Variants in ROBO1 observed in about 807,000 individuals in gnomAD.
The protein encoded by ROBO1 is roundabout guidance receptor 1.
ROBO1 carries 149 observed loss-of-function variants against 195.9 expected under a neutral mutation model. The observed-to-expected ratio is 0.76, with a 90% CI of 0.67 to 0.87. The LOEUF (loss-of-function observed/expected upper bound fraction) is 0.87, where lower values mean the gene tolerates loss of function less well. Ranked by LOEUF, ROBO1 falls within the 40% of genes least tolerant of loss-of-function variation. ROBO1 has a pLI of 0.00. For missense variants in ROBO1, 1,933 were observed against 2,068.3 expected (o/e 0.93, Z 1.27); for synonymous variants, 816 against 733.2 (o/e 1.11, Z -1.82).
intron 1 of ROBO1, among the ~76,000 whole-genome samples, chr3:79,694,957 T>G (rs1947400705): frequency 6.6e-6 from 1 of 151,594 alleles, no homozygotes; most frequent in African/African-American, 2.4e-5. Context: ...ATGAAAATAA[T>G]TATAATAAAA....
chr3:78,693,925 C>T (rs1440423386), intron 8 of ROBO1, among the ~76,000 whole-genome samples: 4 of 152,086 alleles, frequency 2.6e-5, no homozygotes, highest in East Asian at 1.9e-4. Context: ...TACAGGTTAG[C>T]GGTGTGACTG....
chr3:78,735,414 C>G (rs934029207), intron 5 of ROBO1, among the ~76,000 whole-genome samples: 1 of 152,126 alleles, frequency 6.6e-6, no homozygotes, highest in African/African-American at 2.4e-5. Flanking sequence ...CAAAAATGTG[C>G]TTTGGACATA....
chr3:79,502,331 C>G (rs1007703394), intron 2 of ROBO1, among the ~76,000 whole-genome samples: 2 of 152,100 alleles, frequency 1.3e-5, no homozygotes, highest in Non-Finnish European at 2.9e-5. Context: ...GGCGGGGGCT[C>G]GGCGAGCCGC....
rs994571194 is a variant in ROBO1 at position 79,002,484 on chromosome 3, A to G, written c.173-63557T>C. On this transcript the variant is annotated intron_variant, in intron 3 of 30. Transcript: ENST00000464233. ...TTTAATCTATCCCTCATTTACAGAT[A>G]AGGAAGATTTAGAAAAGCTAAATAT... Among the ~76,000 whole-genome samples the G allele has an allele frequency of 9.5e-4, 145 of 152,162 alleles. 2 individuals carry two copies. The highest frequency in any genetic ancestry group is 9.4e-3 in the Admixed American group (143 of 15,248).
intron 1 of ROBO1, among the ~76,000 whole-genome samples, chr3:79,625,833 G>A (rs2108001373): frequency 6.6e-6 from 1 of 152,190 alleles, no homozygotes; most frequent in South Asian, 2.1e-4. Flanking sequence ...ATTGAAAAGG[G>A]GGGACGCCTC....
intron 2 of ROBO1, among the ~76,000 whole-genome samples, chr3:79,173,445 C>T (rs2081204363): frequency 6.6e-6 from 1 of 152,088 alleles, no homozygotes; most frequent in Non-Finnish European, 1.5e-5. Context: ...CTGGCCAGCC[C>T]TGCCTCCCTG....
intron 2 of ROBO1, among the ~76,000 whole-genome samples, chr3:79,343,560 A>C (rs1445235853): frequency 6.6e-6 from 1 of 152,210 alleles, no homozygotes; most frequent in African/African-American, 2.4e-5. Flanking sequence ...CTTCACAGAA[A>C]TGCACCTGAG....
chr3:78,717,152 T>C, intron 7 of ROBO1, 123 bp downstream of exon 7: 1 of 989,358 alleles, frequency 1.0e-6, no homozygotes, highest in Non-Finnish European at 1.4e-6. Flanking sequence ...TCCAGTATTG[T>C]ATCTGGCCCC....
intron 2 of ROBO1, among the ~76,000 whole-genome samples, chr3:79,127,504 T>A (rs2080238455): frequency 6.6e-6 from 1 of 152,234 alleles, no homozygotes; most frequent in Non-Finnish European, 1.5e-5. Flanking sequence ...GTTCTACTTT[T>A]AATTTACAAG....
intron 25 of ROBO1, among the ~76,000 whole-genome samples, chr3:78,628,224 G>A (rs553245129): frequency 1.2e-4 from 19 of 152,122 alleles, no homozygotes; most frequent in African/African-American, 3.9e-4. Context: ...AAAGTGCTGG[G>A]ATTACAGGCG....
At chr3:79,287,396 A>T (rs886675137) in intron 2 of ROBO1, among the ~76,000 whole-genome samples, 9 of 152,156 alleles carry the variant, frequency 5.9e-5, no homozygotes, top group Non-Finnish European at 1.3e-4. Context: ...ATTTCCAGAC[A>T]TATGCAAACC....
chr3:79,761,108 T>C (rs1178357845), intron 1 of ROBO1, among the ~76,000 whole-genome samples: 1 of 148,188 alleles, frequency 6.7e-6, no homozygotes, highest in East Asian at 1.9e-4. Context: ...TAAAATATAC[T>C]ATATATTTTT....
chr3:79,094,019 G>C (rs940096723), intron 3 of ROBO1, among the ~76,000 whole-genome samples: 1 of 151,980 alleles, frequency 6.6e-6, no homozygotes, highest in African/African-American at 2.4e-5. Flanking sequence ...TAGCTTCAAG[G>C]GCACCATATG....
intron 1 of ROBO1, among the ~76,000 whole-genome samples, chr3:79,609,813 G>A (rs1944599113): frequency 6.6e-6 from 1 of 151,796 alleles, no homozygotes; most frequent in African/African-American, 2.4e-5. Flanking sequence ...TGTAGAGATG[G>A]AAAGTAGACC....
At chr3:79,091,195 A>G (rs1397133444) in intron 3 of ROBO1, among the ~76,000 whole-genome samples, 2 of 152,190 alleles carry the variant, frequency 1.3e-5, no homozygotes, top group Non-Finnish European at 2.9e-5. Flanking sequence ...GAAAATACAC[A>G]GTTCAATATA....
At chr3:78,605,459 G>A (rs1261453188) in intron 29 of ROBO1, among the ~76,000 whole-genome samples, 1 of 152,176 alleles carries the variant, frequency 6.6e-6, no homozygotes, top group African/African-American at 2.4e-5. Flanking sequence ...TCATACAACA[G>A]AAGTAAGCAA....
chr3:78,916,226 G>GACA (rs920549164), intron 4 of ROBO1, among the ~76,000 whole-genome samples: 2 of 145,454 alleles, frequency 1.4e-5, no homozygotes, highest in African/African-American at 2.6e-5. Flanking sequence ...CTCCAGCCTG[G>GACA]GCGACAGCGA....
intron 2 of ROBO1, among the ~76,000 whole-genome samples, chr3:79,470,880 C>A (rs551402834): frequency 1.3e-5 from 2 of 152,226 alleles, no homozygotes; most frequent in South Asian, 4.2e-4. Flanking sequence ...TCTTTATTAG[C>A]AGCATGAGAA....
At chr3:79,704,780 C>T (rs2107183313) in intron 1 of ROBO1, among the ~76,000 whole-genome samples, 1 of 152,134 alleles carries the variant, frequency 6.6e-6, no homozygotes, top group Non-Finnish European at 1.5e-5. Flanking sequence ...TCGCAAGTGG[C>T]TACATCATTT....
Sources: allele counts gnomAD v4.1 joint callset (sites outside exome capture counted in the v4.1 genomes callset), GRCh38; gene constraint gnomAD v4.1.1; transcripts MANE v1.5; gene names NCBI Gene and HGNC (gene_info 2026-07-23, HGNC 2026-07-21).